Variants in AMPH observed in about 807,000 individuals in gnomAD.
AMPH encodes amphiphysin (Stiff-Mann syndrome with breast cancer 128kD autoantigen).
In AMPH, 49 loss-of-function variants were observed where a neutral mutation model predicts 99.1. The observed-to-expected ratio is 0.49, with a 90% CI of 0.39 to 0.63. AMPH has a LOEUF of 0.63. Among genes scored for constraint, AMPH ranks in the 20% least tolerant of loss-of-function variants. The pLI is 0.00. For missense variants in AMPH, 759 were observed against 863.4 expected (o/e 0.88, Z 1.52); for synonymous variants, 314 against 317.3 (o/e 0.99, Z 0.11).
Position 38,570,954 on chromosome 7 carries a change from TAGA to T in AMPH, c.70-35946_70-35944del, listed in dbSNP as rs377191800. ...ATATATATATATATATTTATATATA[TAGA>T]ATATATATATAGAATATATATATAT... On this transcript the variant is annotated intron_variant, in intron 1 of 20. Coordinates refer to ENST00000356264, the MANE Select transcript of AMPH (RefSeq NM_001635.4). Among the ~76,000 whole-genome samples, 245 of 79,518 alleles carry T rather than the reference TAGA, an allele frequency of 3.1e-3. 1 individual carries two copies. Among genetic ancestry groups the T allele is most frequent in the Non-Finnish European group, 4.1e-3 (160 of 38,722 alleles). The allele number at this position is 79,518 out of a possible 152,430, so 52.2% of individuals were successfully genotyped here.
At chr7:38,564,981 G>A (rs1014269544) in intron 1 of AMPH, among the ~76,000 whole-genome samples, 29 of 151,850 alleles carry the variant, frequency 1.9e-4, no homozygotes, top group African/African-American at 6.3e-4. Flanking sequence ...AAAATTAGCC[G>A]GGCGTGGTGG....
At chr7:38,595,211 C>T (rs1412800018) in intron 1 of AMPH, among the ~76,000 whole-genome samples, 1 of 152,228 alleles carries the variant, frequency 6.6e-6, no homozygotes, top group Non-Finnish European at 1.5e-5. Flanking sequence ...CCCAGGGCTT[C>T]ACTCCTGTGT....
At chr7:38,589,199 G>A (rs1792768561) in intron 1 of AMPH, among the ~76,000 whole-genome samples, 1 of 152,128 alleles carries the variant, frequency 6.6e-6, no homozygotes, top group African/African-American at 2.4e-5. Flanking sequence ...CATAAAAACT[G>A]CAAGTGTGAG....
intron 1 of AMPH, among the ~76,000 whole-genome samples, chr7:38,537,679 A>G (rs1482313244): frequency 6.6e-6 from 1 of 152,226 alleles, no homozygotes; most frequent in African/African-American, 2.4e-5. Context: ...ACTTAAACAG[A>G]TCGTCAATAT....
chr7:38,621,601 G>A lies in AMPH; in HGVS notation c.69+9682C>T, dbSNP rs1402690338. ...TATTAAATCATTATAGGCACGTAAA[G>A]ATAGGGAAAAATCATATATATATTT... On this transcript the variant is annotated intron_variant, in intron 1 of 20. Transcript: ENST00000356264. 4.6e-5 allele frequency among the ~76,000 whole-genome samples: 7 copies of A among 152,046 alleles called. No individual in the cohort carries two copies. The East Asian group carries it at 1.3e-3, about 29-fold the overall frequency.
chr7:38,525,440 TTGTGCGTGTGTG>T (rs1476625100), intron 2 of AMPH, among the ~76,000 whole-genome samples: 4 of 116,996 alleles, frequency 3.4e-5, no homozygotes, highest in African/African-American at 1.5e-4. Context: ...CTGTACTCAT[TTGTGCGTGTGTG>T]TGTGTGTGTG....
rs148505231 is a variant in AMPH at position 38,579,914 on chromosome 7, A to T, written c.70-44903T>A. Reference sequence around the variant, plus strand: ...ACAAAAGATCAAGAAAATGTACACAATGTTCGCCAGAAAATGCATACCAGT... The same window carrying T: ...ACAAAAGATCAAGAAAATGTACACATTGTTCGCCAGAAAATGCATACCAGT... On this transcript the variant is annotated intron_variant, in intron 1 of 20. Coordinates refer to ENST00000356264, the MANE Select transcript of AMPH (RefSeq NM_001635.4). Among the ~76,000 whole-genome samples, 44 of 152,288 alleles carry T rather than the reference A, an allele frequency of 2.9e-4. No individual in the cohort carries two copies. In the East Asian group the frequency reaches 8.5e-3, roughly 29 times the overall value.
chr7:38,452,098 G>A (rs564716898), intron 11 of AMPH, among the ~76,000 whole-genome samples: 1 of 152,294 alleles, frequency 6.6e-6, no homozygotes, highest in South Asian at 2.1e-4. Context: ...CACCGTGATG[G>A]TGCTTGGTGG....
intron 2 of AMPH, among the ~76,000 whole-genome samples, chr7:38,527,688 C>T (rs7812230): frequency 0.015 from 2,285 of 152,242 alleles, 64 homozygotes; most frequent in African/African-American, 0.052. Context: ...CATCTGCAGA[C>T]AAAATGAGTG....
intron 1 of AMPH, among the ~76,000 whole-genome samples, chr7:38,551,023 G>T (rs1485580173): frequency 6.6e-6 from 1 of 152,076 alleles, no homozygotes; most frequent in African/African-American, 2.4e-5. Context: ...GACCCAAAAT[G>T]ATAAACCATC....
chr7:38,549,032 G>A (rs920268), intron 1 of AMPH, among the ~76,000 whole-genome samples: 77,613 of 152,058 alleles, frequency 0.51, 20,332 homozygotes, highest in Middle Eastern at 0.61. Context: ...CTTCCAGCTT[G>A]CTTATCTATG....
chr7:38,461,179 T>C (rs766312348), intron 11 of AMPH, 104 bp downstream of exon 11: 215 of 1,325,802 alleles, frequency 1.6e-4, no homozygotes, highest in Non-Finnish European at 2.2e-4. Context: ...CAATTAAAAT[T>C]ATGTTGTTGG....
Position 38,433,149 on chromosome 7 carries a change from G to A in AMPH, c.1135-937C>T, listed in dbSNP as rs533906515. Among the ~76,000 whole-genome samples the A allele has an allele frequency of 2.4e-4, 36 of 152,248 alleles. 1 individual carries two copies. The Middle Eastern group carries it at 0.01, about 43-fold the overall frequency. On this transcript the variant is annotated intron_variant, in intron 12 of 20. Transcript: ENST00000356264. ...CCACCTTAAAAATATGATGGTTTTC[G>A]GTTGAGATTGCAGAGGCCTCATTTG...
At chr7:38,562,092 G>A (rs572129459) in intron 1 of AMPH, among the ~76,000 whole-genome samples, 42 of 151,528 alleles carry the variant, frequency 2.8e-4, no homozygotes, top group African/African-American at 8.9e-4. Flanking sequence ...GGAAATGAAG[G>A]AGAGGAAGAA....
At chr7:38,564,595 C>A (rs1791663082) in intron 1 of AMPH, among the ~76,000 whole-genome samples, 1 of 152,152 alleles carries the variant, frequency 6.6e-6, no homozygotes, top group Non-Finnish European at 1.5e-5. Flanking sequence ...AACCAGGAGA[C>A]CCTCAAAGAT....
At chr7:38,428,905 T>C in intron 14 of AMPH, 1 of 844,580 alleles carries the variant, frequency 1.2e-6, no homozygotes, top group South Asian at 1.4e-5. Context: ...TCTTTTCTAG[T>C]TTCCACTTCA....
intron 14 of AMPH, 122 bp from the exon 15 acceptor site, chr7:38,427,108 G>T: frequency 2.4e-6 from 2 of 849,084 alleles, no homozygotes; most frequent in Admixed American, 4.6e-5. Flanking sequence ...TAATACAAAA[G>T]GTTGCTGTGC....
intron 15 of AMPH, among the ~76,000 whole-genome samples, chr7:38,425,308 AGAG>A (rs1292714202): frequency 6.6e-6 from 1 of 152,200 alleles, no homozygotes; most frequent in African/African-American, 2.4e-5. Flanking sequence ...GCAGCCCAGG[AGAG>A]GAGGACAGAT....
chr7:38,574,984 G>A (rs1414678036), intron 1 of AMPH, among the ~76,000 whole-genome samples: 1 of 150,378 alleles, frequency 6.6e-6, no homozygotes, highest in African/African-American at 2.5e-5. Context: ...AACCCAGGAG[G>A]TGGAGTTTGT....
Sources: allele counts gnomAD v4.1 joint callset (sites outside exome capture counted in the v4.1 genomes callset), GRCh38; gene constraint gnomAD v4.1.1; transcripts MANE v1.5; gene names NCBI Gene and HGNC (gene_info 2026-07-23, HGNC 2026-07-21).